The following PEPD variants were observed in gnomAD, a reference collection of about 807,000 sequenced individuals.
PEPD encodes the protein xaa-Pro dipeptidase.
A neutral mutation model predicts 60.7 loss-of-function variants in PEPD; 53 were observed. The observed-to-expected ratio is 0.87, with a 90% confidence interval of 0.70 to 1.10. The LOEUF is 1.10. PEPD is among the 50% of genes least tolerant of loss of function. The probability of loss-of-function intolerance (pLI) is 0.00; values close to 1 mark genes in which losing one functional copy is unlikely to be tolerated. For missense variants in PEPD, 711 were observed against 711.9 expected (o/e 1.00, Z 0.01); for synonymous variants, 267 against 284.1 (o/e 0.94, Z 0.60).
intron 3 of PEPD, among the ~76,000 whole-genome samples, chr19:33,506,684 C>T (rs1389499686): frequency 2.0e-5 from 3 of 150,020 alleles, no homozygotes; most frequent in Admixed American, 6.6e-5. Flanking sequence ...ACACACCTCA[C>T]ACACCCACAC....
At chr19:33,508,492 T>C (rs1970856632) in intron 3 of PEPD, among the ~76,000 whole-genome samples, 1 of 152,348 alleles carries the variant, frequency 6.6e-6, no homozygotes, top group East Asian at 1.9e-4. Context: ...TCATGGACTC[T>C]GAAGGTCGGG....
chr19:33,467,955 A>G (rs1180065329), intron 7 of PEPD, among the ~76,000 whole-genome samples: 1 of 152,106 alleles, frequency 6.6e-6, no homozygotes, highest in Non-Finnish European at 1.5e-5. Flanking sequence ...GTCCTCCCCT[A>G]ATGGAGCGCA....
At chr19:33,498,172 T>G (rs1357024373) in intron 4 of PEPD, among the ~76,000 whole-genome samples, 1 of 152,060 alleles carries the variant, frequency 6.6e-6, no homozygotes, top group African/African-American at 2.4e-5. Flanking sequence ...GTGAGCCTTG[T>G]TCCCAGTAAA....
At chr19:33,443,060 G>C (rs1422758152) in intron 9 of PEPD, among the ~76,000 whole-genome samples, 3 of 152,100 alleles carry the variant, frequency 2.0e-5, no homozygotes, top group African/African-American at 7.2e-5. Context: ...AAAGAAACTC[G>C]GTACCCATCT....
intron 9 of PEPD, among the ~76,000 whole-genome samples, chr19:33,435,704 G>A (rs1039029570): frequency 6.6e-6 from 1 of 152,272 alleles, no homozygotes; most frequent in South Asian, 2.1e-4. Context: ...ATCTGCTGAT[G>A]CTCGTATGGC....
chr19:33,457,125 C>A (rs1210592557), intron 9 of PEPD, among the ~76,000 whole-genome samples: 2 of 150,372 alleles, frequency 1.3e-5, no homozygotes. Flanking sequence ...ACAGGAGGGA[C>A]TCGGATGAAA....
intron 3 of PEPD, among the ~76,000 whole-genome samples, chr19:33,504,774 AAAAG>A (rs773931705): frequency 5.9e-5 from 9 of 151,988 alleles, no homozygotes; most frequent in Non-Finnish European, 1.3e-4. Flanking sequence ...AAAAAAAAGA[AAAAG>A]AAATTACTGG....
intron 7 of PEPD, among the ~76,000 whole-genome samples, chr19:33,470,268 A>G (rs1395700896): frequency 2.0e-5 from 3 of 152,008 alleles, no homozygotes; most frequent in Admixed American, 6.6e-5. Flanking sequence ...GGGGATCTTT[A>G]GGAAATGCAA....
At chr19:33,419,404 C>T (rs1281020040) in intron 9 of PEPD, among the ~76,000 whole-genome samples, 1 of 152,242 alleles carries the variant, frequency 6.6e-6, no homozygotes, top group Non-Finnish European at 1.5e-5. Context: ...AAAAACTGAA[C>T]AGTCAACTGC....
chr19:33,458,810 T>TAGTGTGAGG (rs201520050), intron 9 of PEPD, among the ~76,000 whole-genome samples: 16 of 135,768 alleles, frequency 1.2e-4, no homozygotes, highest in South Asian at 9.3e-4. Flanking sequence ...AGGGCATGTG[T>TAGTGTGAGG]GTGGTGTATG....
At chr19:33,483,083 T>C (rs1215643095) in intron 6 of PEPD, among the ~76,000 whole-genome samples, 1 of 151,894 alleles carries the variant, frequency 6.6e-6, no homozygotes, top group Non-Finnish European at 1.5e-5. Flanking sequence ...AAATGAGAAA[T>C]CAAAAAATAT....
At chr19:33,466,736 A>C (rs1216662837) in intron 7 of PEPD, among the ~76,000 whole-genome samples, 1 of 151,360 alleles carries the variant, frequency 6.6e-6, no homozygotes, top group African/African-American at 2.4e-5. Flanking sequence ...ATGCATGTAT[A>C]TATGTTGCTT....
chr19:33,447,500 A>G (rs546531701), intron 9 of PEPD, among the ~76,000 whole-genome samples: 2 of 152,352 alleles, frequency 1.3e-5, no homozygotes, highest in Admixed American at 1.3e-4. Context: ...GCATTTGTGC[A>G]GGCAGGGCAG....
chr19:33,401,690 A>G (rs751907223), intron 12 of PEPD, 31 bp downstream of exon 12: 1 of 1,593,278 alleles, frequency 6.3e-7, no homozygotes, highest in South Asian at 1.1e-5. Flanking sequence ...GCCACGTCAG[A>G]TGCGCCTCCC....
chr19:33,422,343 A>C (rs929493035), intron 9 of PEPD, among the ~76,000 whole-genome samples: 7 of 152,008 alleles, frequency 4.6e-5, no homozygotes, highest in African/African-American at 1.7e-4. Context: ...TCAATCAATC[A>C]ATCAATCATC....
At position 33,387,877 on chromosome 19, in the gene PEPD, C is replaced by T. The variant is rs375401743; in HGVS notation, c.1344+13G>A. On this transcript the variant is annotated intron_variant, in intron 14 of 14. Coordinates refer to ENST00000244137, the MANE Select transcript of PEPD (RefSeq NM_000285.4). ...ATGTTCTGGGAGCAAGAATGGGGCC[C>T]GTGGGCACTCACCCCGCCAAAACCG... 102 of 1,551,234 alleles carry T rather than the reference C, an allele frequency of 6.6e-5. No individual in the cohort carries two copies. The highest frequency in any genetic ancestry group is 5.8e-4 in the East Asian group (24 of 41,616).
chr19:33,449,173 G>A (rs573431687), intron 9 of PEPD, among the ~76,000 whole-genome samples: 1 of 152,346 alleles, frequency 6.6e-6, no homozygotes, highest in African/African-American at 2.4e-5. Flanking sequence ...CATGTCCACC[G>A]AGGTGACTCG....
At chr19:33,496,203 G>C (rs1479087059) in intron 4 of PEPD, among the ~76,000 whole-genome samples, 1 of 152,184 alleles carries the variant, frequency 6.6e-6, no homozygotes, top group Non-Finnish European at 1.5e-5. Flanking sequence ...CTTGGGGATT[G>C]TATCTGCTAT....
chr19:33,442,997 C>G (rs1312294299), intron 9 of PEPD, among the ~76,000 whole-genome samples: 1 of 152,224 alleles, frequency 6.6e-6, no homozygotes. Flanking sequence ...ACAGTAGGTG[C>G]ATCATAAATG....
Sources: gnomAD v4.1 joint callset for allele counts (sites outside exome capture counted in the v4.1 genomes callset) on GRCh38, gnomAD v4.1.1 for gene constraint, MANE v1.5 for transcripts, NCBI Gene and HGNC (gene_info 2026-07-23, HGNC 2026-07-21) for gene names.